TRAPPC9: variants seen among roughly 807,000 people sequenced by gnomAD.
TRAPPC9 encodes the protein trafficking protein particle complex subunit 9, also known as IKK2 binding protein.
A neutral mutation model predicts 124.0 loss-of-function variants in TRAPPC9; 83 were observed. The ratio of observed to expected loss-of-function variants is 0.67; its 90% CI spans 0.56 to 0.80. The LOEUF is 0.80. Among genes scored for constraint, TRAPPC9 ranks in the 30% least tolerant of loss-of-function variants. The pLI is 0.00. For synonymous variants in TRAPPC9, 638 were observed against 617.5 expected, an observed-to-expected ratio of 1.03 and a Z score of -0.49; for missense variants, 1,302 against 1,508.3, an observed-to-expected ratio of 0.86 and a Z score of 2.27.
intron 19 of TRAPPC9, among the ~76,000 whole-genome samples, chr8:139,977,030 T>G (rs1201304535): frequency 1.3e-5 from 2 of 152,178 alleles, no homozygotes. Context: ...GATTATCTGA[T>G]GAGTAAGACG....
intron 19 of TRAPPC9, among the ~76,000 whole-genome samples, chr8:139,974,164 T>C (rs1836286087): frequency 6.6e-6 from 1 of 152,140 alleles, no homozygotes; most frequent in African/African-American, 2.4e-5. Context: ...GGATGGGGAA[T>C]CTGAGATAAT....
At position 139,961,268 on chromosome 8, in the gene TRAPPC9, T is replaced by C. The variant is rs1402005819; in HGVS notation, c.2810+27458A>G. ...GTTCAAGGGCCTTCTTTCTATATGATGGCAGTAGCTGCTGCCATCATGCCG... is the reference window on the plus strand; with the variant it reads ...GTTCAAGGGCCTTCTTTCTATATGACGGCAGTAGCTGCTGCCATCATGCCG... On this transcript the variant is annotated intron_variant, in intron 19 of 22. Transcript: ENST00000438773. Among the ~76,000 whole-genome samples the C allele has an allele frequency of 1.6e-5, 2 of 124,496 alleles. 1 individual carries two copies. The highest frequency in any genetic ancestry group is 3.8e-5 in the Non-Finnish European group (2 of 52,060). 81.7% of individuals were successfully genotyped at this position (124,496 alleles called of 152,430 possible).
chr8:139,969,479 C>A (rs756710646), intron 19 of TRAPPC9, among the ~76,000 whole-genome samples: 1 of 152,208 alleles, frequency 6.6e-6, no homozygotes, highest in Non-Finnish European at 1.5e-5. Flanking sequence ...GGCCTAGGTT[C>A]GGATCCTGGC....
intron 21 of TRAPPC9, among the ~76,000 whole-genome samples, chr8:139,778,549 C>T (rs1235257899): frequency 6.6e-6 from 1 of 152,110 alleles, no homozygotes; most frequent in African/African-American, 2.4e-5. Flanking sequence ...TAACTGTATT[C>T]TATTTGTTCA....
intron 12 of TRAPPC9, among the ~76,000 whole-genome samples, chr8:140,290,183 G>A (rs879500616): frequency 7.9e-5 from 12 of 152,132 alleles, no homozygotes; most frequent in Non-Finnish European, 1.6e-4. Context: ...CTTGCCTGGG[G>A]ACCGACACGT....
At chr8:140,224,231 C>T (rs534932653) in intron 16 of TRAPPC9, among the ~76,000 whole-genome samples, 1 of 152,252 alleles carries the variant, frequency 6.6e-6, no homozygotes, top group African/African-American at 2.4e-5. Context: ...TCATAACAAG[C>T]TAGACAACTC....
At chr8:140,150,465 T>C (rs1307805558) in intron 17 of TRAPPC9, among the ~76,000 whole-genome samples, 2 of 152,132 alleles carry the variant, frequency 1.3e-5, no homozygotes, top group Non-Finnish European at 2.9e-5. Context: ...AACAAAATTA[T>C]CTCATTTAAT....
chr8:139,806,720 G>T (rs1156782546), intron 21 of TRAPPC9, among the ~76,000 whole-genome samples: 2 of 152,190 alleles, frequency 1.3e-5, no homozygotes, highest in Admixed American at 6.5e-5. Context: ...CATTTCTGTT[G>T]CTGGCAGTTA....
chr8:140,329,694 C>T (rs1427713532), intron 9 of TRAPPC9, among the ~76,000 whole-genome samples: 4 of 152,136 alleles, frequency 2.6e-5, no homozygotes, highest in Admixed American at 6.5e-5. Context: ...GCAACCTCCT[C>T]GGCATTTTTG....
At position 139,964,244 on chromosome 8, in the gene TRAPPC9, A is replaced by T. The variant is rs975973836; in HGVS notation, c.2810+24482T>A. On this transcript the variant is annotated intron_variant, in intron 19 of 22. Coordinates refer to ENST00000438773, the MANE Select transcript of TRAPPC9 (RefSeq NM_001160372.4). Reference sequence around the variant, plus strand: ...TGTCTCAAAAAAAAAAAAAAAAAAAAAGCGGGGGAGCACCTCAGGAGGCCA... The same window carrying T: ...TGTCTCAAAAAAAAAAAAAAAAAAATAGCGGGGGAGCACCTCAGGAGGCCA... Among the ~76,000 whole-genome samples, 130 of 138,104 alleles carry T rather than the reference A, an allele frequency of 9.4e-4. 7 individuals are homozygous for T. Among genetic ancestry groups the T allele is most frequent in the Non-Finnish European group, 8.3e-4 (53 of 63,706 alleles). 90.6% of individuals were successfully genotyped at this position (138,104 alleles called of 152,430 possible).
chr8:139,960,770 C>G (rs933809730), intron 19 of TRAPPC9, among the ~76,000 whole-genome samples: 2 of 124,750 alleles, frequency 1.6e-5, no homozygotes, highest in Admixed American at 8.4e-5. Flanking sequence ...AGGAAGAGCC[C>G]CAAGTGACAG....
intron 17 of TRAPPC9, among the ~76,000 whole-genome samples, chr8:140,139,032 T>C (rs2061344990): frequency 1.3e-5 from 2 of 152,128 alleles, no homozygotes; most frequent in African/African-American, 4.8e-5. Flanking sequence ...GCACGATACC[T>C]GGAAGCTCTG....
chr8:139,771,593 C>T (rs1038253905), intron 21 of TRAPPC9, among the ~76,000 whole-genome samples: 3 of 152,330 alleles, frequency 2.0e-5, no homozygotes, highest in Admixed American at 6.5e-5. Flanking sequence ...TAGGACAGTG[C>T]AGCCAGGAGG....
At chr8:140,125,107 G>C (rs766042721) in intron 17 of TRAPPC9, among the ~76,000 whole-genome samples, 1 of 152,230 alleles carries the variant, frequency 6.6e-6, no homozygotes, top group Non-Finnish European at 1.5e-5. Flanking sequence ...GCTGCGAGGG[G>C]AAGTGAGGCA....
chr8:140,387,985 CAAT>C (rs1310094239), intron 7 of TRAPPC9, among the ~76,000 whole-genome samples: 2 of 151,912 alleles, frequency 1.3e-5, no homozygotes, highest in Non-Finnish European at 2.9e-5. Flanking sequence ...AAATGTCCAA[CAAT>C]GATAGACTGG....
chr8:140,284,035 G>A lies in TRAPPC9; in HGVS notation c.1982-14C>T. On this transcript the variant is annotated splice_polypyrimidine_tract_variant and intron_variant, in intron 13 of 22. Coordinates refer to ENST00000438773, the MANE Select transcript of TRAPPC9 (RefSeq NM_001160372.4). ...TGGTATGGTAACCTGGAATAGAAAA[G>A]GAACTTCTTCACTCCACTGGCAAGG... 3.1e-6 allele frequency: 5 copies of A among 1,613,920 alleles called. No homozygotes were observed. The highest frequency in any genetic ancestry group is 4.2e-6 in the Non-Finnish European group (5 of 1,179,880).
chr8:140,254,733 G>A (rs910690325), intron 15 of TRAPPC9, among the ~76,000 whole-genome samples: 11 of 152,162 alleles, frequency 7.2e-5, no homozygotes, highest in Non-Finnish European at 2.9e-5. Context: ...TATGCTGAAC[G>A]TCTTCGGTCT....
At chr8:140,253,961 T>C (rs893384872) in intron 15 of TRAPPC9, among the ~76,000 whole-genome samples, 2 of 152,078 alleles carry the variant, frequency 1.3e-5, no homozygotes, top group Non-Finnish European at 2.9e-5. Flanking sequence ...TAAAGTACTA[T>C]CTGTAAAAGC....
intron 21 of TRAPPC9, among the ~76,000 whole-genome samples, chr8:139,806,486 A>G (rs1005382957): frequency 2.0e-5 from 3 of 152,202 alleles, no homozygotes; most frequent in African/African-American, 4.8e-5. Context: ...CCGTGAAAAC[A>G]ATATGTAGCA....
Sources: allele counts gnomAD v4.1 joint callset (sites outside exome capture counted in the v4.1 genomes callset), GRCh38; gene constraint gnomAD v4.1.1; transcripts MANE v1.5; gene names NCBI Gene and HGNC (gene_info 2026-07-23, HGNC 2026-07-21).